The following LYRM4 variants were observed in gnomAD, a reference collection of about 807,000 sequenced individuals.
The protein encoded by LYRM4 is LYR motif-containing protein 4.
In LYRM4, 9 loss-of-function variants were observed where a neutral mutation model predicts 11.7. The observed-to-expected ratio is 0.77, with a 90% CI of 0.46 to 1.34. The LOEUF is 1.34. Among genes scored for constraint, LYRM4 ranks in the 40% most tolerant of loss-of-function variants. LYRM4 has a pLI of 0.00. For missense variants in LYRM4, 133 were observed against 112.5 expected, an observed-to-expected ratio of 1.18 and a Z score of -0.82; for synonymous variants, 42 against 40.4, an observed-to-expected ratio of 1.04 and a Z score of -0.15.
chr6:5,203,142 G>GC (rs1487751391), intron 2 of LYRM4, among the ~76,000 whole-genome samples: 3 of 152,036 alleles, frequency 2.0e-5, no homozygotes, highest in Non-Finnish European at 4.4e-5. Flanking sequence ...AACTACCCAC[G>GC]CCCCCCGGAC....
the LYRM4 span, among the ~76,000 whole-genome samples, chr6:5,053,913 TAAAGA>T: frequency 6.6e-6 from 1 of 152,162 alleles, no homozygotes; most frequent in Non-Finnish European, 1.5e-5. Flanking sequence ...CCAAAACAGG[TAAAGA>T]GGCTCCCAGA....
rs554579040 is a variant in LYRM4, at chr6:5,244,228, A to G, written c.86+16420T>C. Among the ~76,000 whole-genome samples, 29 of 152,342 alleles carry G rather than the reference A, an allele frequency of 1.9e-4. No individual in the cohort carries two copies. The South Asian group carries it at 5.6e-3, about 29-fold the overall frequency. ...TTTATTATAAAATAGGATTTGTGTTAGATGATTTTGCCCAACTGTATTCTA... is the reference window on the plus strand; with the variant it reads ...TTTATTATAAAATAGGATTTGTGTTGGATGATTTTGCCCAACTGTATTCTA... On this transcript the variant is annotated intron_variant, in intron 1 of 2. Coordinates refer to ENST00000330636, the MANE Select transcript of LYRM4 (RefSeq NM_020408.6).
At chr6:5,214,601 T>A (rs1330915337) in intron 2 of LYRM4, among the ~76,000 whole-genome samples, 1 of 152,008 alleles carries the variant, frequency 6.6e-6, no homozygotes, top group Non-Finnish European at 1.5e-5. Flanking sequence ...GGAGGACAGG[T>A]CAGAAGGCTG....
intron 1 of LYRM4, among the ~76,000 whole-genome samples, chr6:5,227,470 A>G (rs1206731764): frequency 6.6e-6 from 1 of 152,148 alleles, no homozygotes; most frequent in Non-Finnish European, 1.5e-5. Context: ...TGATTTTTGC[A>G]AAAAACCCCA....
At chr6:5,139,017 T>C (rs985877100) in intron 2 of LYRM4, among the ~76,000 whole-genome samples, 7 of 152,242 alleles carry the variant, frequency 4.6e-5, no homozygotes, top group African/African-American at 1.7e-4. Context: ...GTAATATTGA[T>C]GTTCGTTGAG....
At chr6:5,224,522 C>T (rs954959776) in intron 1 of LYRM4, among the ~76,000 whole-genome samples, 3 of 152,150 alleles carry the variant, frequency 2.0e-5, no homozygotes. Flanking sequence ...TTTTAGGGAT[C>T]TATCCTACAG....
the LYRM4 span, chr6:5,084,847 G>C: frequency 6.6e-6 from 1 of 152,288 alleles, no homozygotes; most frequent in Non-Finnish European, 1.5e-5. Flanking sequence ...CCGGCGGCGC[G>C]GAATGGGCCT....
At chr6:5,033,816 A>AGG in the LYRM4 span, 1 of 152,158 alleles carries the variant, frequency 6.6e-6, no homozygotes, top group African/African-American at 2.4e-5. Flanking sequence ...ATACCTGCAA[A>AGG]TTCACCTCTT....
chr6:5,064,355 T>G, the LYRM4 span, among the ~76,000 whole-genome samples: 1 of 152,160 alleles, frequency 6.6e-6, no homozygotes, highest in Non-Finnish European at 1.5e-5. Context: ...TTATTTTATT[T>G]TAAAAATAAT....
Position 5,223,389 on chromosome 6 carries a change from A to G in LYRM4, c.87-6651T>C, listed in dbSNP as rs545410622. 4.6e-5 allele frequency among the ~76,000 whole-genome samples: 7 copies of G among 152,356 alleles called. No homozygotes were observed. The East Asian group carries it at 1.3e-3, about 29-fold the overall frequency. On this transcript the variant is annotated intron_variant, in intron 1 of 2. Coordinates refer to ENST00000330636, the MANE Select transcript of LYRM4 (RefSeq NM_020408.6). The stretch of plus-strand genomic sequence containing the variant: ...CAAACTACAACTCAGAGAGATTTCA[A>G]AAATGTAGGCCAAGATCGCATGTCT...
intron 2 of LYRM4, among the ~76,000 whole-genome samples, chr6:5,177,417 G>A (rs796153559): frequency 8.5e-5 from 13 of 152,278 alleles, no homozygotes; most frequent in Admixed American, 3.3e-4. Context: ...CCAGCTCTCC[G>A]GGATGACCCC....
chr6:5,064,218 A>G, the LYRM4 span, among the ~76,000 whole-genome samples: 4 of 152,128 alleles, frequency 2.6e-5, no homozygotes, highest in Non-Finnish European at 5.9e-5. Context: ...GTGGGAGCAG[A>G]AATAAGGGTG....
In LYRM4 at chr6:5,183,881, T is replaced by C. The variant is rs538597006; in HGVS notation, c.207+32737A>G. Reference sequence around the variant, plus strand: ...AGGCTATTAATAATAATGTATTGCATACTTGAAAACTGCTAAGAAAGTGGA... The same window carrying C: ...AGGCTATTAATAATAATGTATTGCACACTTGAAAACTGCTAAGAAAGTGGA... On this transcript the variant is annotated intron_variant, in intron 2 of 2. Coordinates refer to ENST00000330636, the MANE Select transcript of LYRM4 (RefSeq NM_020408.6). Among the ~76,000 whole-genome samples, 14 of 152,348 alleles carry C rather than the reference T, an allele frequency of 9.2e-5. 1 individual carries two copies. The East Asian group carries it at 2.7e-3, about 29-fold the overall frequency.
chr6:5,198,491 A>G (rs1761201624), intron 2 of LYRM4, among the ~76,000 whole-genome samples: 2 of 152,214 alleles, frequency 1.3e-5, no homozygotes, highest in Non-Finnish European at 2.9e-5. Flanking sequence ...GAGGTACCAC[A>G]AAAGGCAAGG....
At position 5,216,710 on chromosome 6, in the gene LYRM4, C is replaced by T. The variant is rs758693748; in HGVS notation, c.115G>A (p.Ala39Thr). 4.3e-6 allele frequency: 7 copies of T among 1,613,400 alleles called. No homozygotes were observed. The highest frequency in any genetic ancestry group is 3.3e-5 in the Admixed American group (2 of 60,002). Residue 39 changes from alanine (A) to threonine (T), a missense_variant, in exon 2 of 3, where the codon GCC becomes ACC. Physicochemically the swap from Ala to Thr is moderately conservative, Grantham distance 58 (BLOSUM62 0). Coordinates refer to ENST00000330636, the MANE Select transcript of LYRM4 (RefSeq NM_020408.6). ...RTYAVRRIRD[A>T]FRENKNVKDP... ...TTTACATTTTTATTTTCTCTGAAGG[C>T]ATCTCTTATCCTCCTGACAGCATAT... is the stretch of plus-strand genomic sequence containing the variant.
intron 1 of LYRM4, among the ~76,000 whole-genome samples, chr6:5,227,533 T>C (rs1762964141): frequency 6.6e-6 from 1 of 152,198 alleles, no homozygotes; most frequent in African/African-American, 2.4e-5. Context: ...GGTAGGAGTG[T>C]AAATTAGTTC....
the LYRM4 span, among the ~76,000 whole-genome samples, chr6:5,070,869 G>GCAA: frequency 6.2e-5 from 3 of 48,096 alleles, no homozygotes; most frequent in Admixed American, 2.6e-4. Context: ...ACCCTGTCTT[G>GCAA]AAAAAAAAAA....
intron 2 of LYRM4, among the ~76,000 whole-genome samples, chr6:5,122,333 A>G (rs956162608): frequency 5.9e-5 from 9 of 152,140 alleles, no homozygotes; most frequent in African/African-American, 1.9e-4. Flanking sequence ...TTGAGATGTC[A>G]CCACTCTGAG....
the LYRM4 span, among the ~76,000 whole-genome samples, chr6:5,039,852 A>C: frequency 1.3e-5 from 2 of 152,224 alleles, no homozygotes; most frequent in Non-Finnish European, 2.9e-5. Context: ...AGATGTAAAG[A>C]CTTAATATAA....
Sources: gnomAD v4.1 joint callset for allele counts (sites outside exome capture counted in the v4.1 genomes callset) on GRCh38, gnomAD v4.1.1 for gene constraint, MANE v1.5 for transcripts, NCBI Gene and HGNC (gene_info 2026-07-23, HGNC 2026-07-21) for gene names.